Variants in NINJ2 observed in about 807,000 individuals in gnomAD.
NINJ2 encodes the protein ninjurin-2.
NINJ2 carries 12 observed loss-of-function variants against 11.7 expected under a neutral mutation model. The ratio of observed to expected loss-of-function variants is 1.02; its 90% confidence interval spans 0.66 to 1.66. The LOEUF is 1.66. NINJ2 is among the 40% of genes most tolerant of loss of function. The pLI is 0.00. For missense variants in NINJ2, 187 were observed against 181.8 expected, an observed-to-expected ratio of 1.03 and a Z score of -0.16; for synonymous variants, 93 against 76.8, an observed-to-expected ratio of 1.21 and a Z score of -1.10.
Position 601,421 on chromosome 12 carries a change from G to T in NINJ2, c.34-35243C>A, listed in dbSNP as rs182645942. ...AAATTAGCCAGGCGTGGTGGCGGGC[G>T]CCTGTAGTCCCAGCTACAGGGGAGG... On this transcript the variant is annotated intron_variant, in intron 1 of 3. Transcript: ENST00000305108. 7.3e-3 allele frequency among the ~76,000 whole-genome samples: 1,105 copies of T among 150,772 alleles called. 13 individuals are homozygous for T. Among genetic ancestry groups the T allele is most frequent in the African/African-American group, 0.026 (1,043 of 40,386 alleles).
chr12:566,237 G>T, intron 1 of NINJ2, 59 bp from the exon 2 acceptor site: 1 of 1,417,592 alleles, frequency 7.1e-7, no homozygotes, highest in South Asian at 1.2e-5. Context: ...GCAGTTGAGA[G>T]GTGGGAGAGA....
intron 1 of NINJ2, among the ~76,000 whole-genome samples, chr12:589,042 C>A (rs1002974382): frequency 6.6e-6 from 1 of 152,126 alleles, no homozygotes; most frequent in Non-Finnish European, 1.5e-5. Context: ...GAGTCTCCCA[C>A]AGAATAAGTC....
intron 1 of NINJ2, among the ~76,000 whole-genome samples, chr12:622,904 A>G (rs1216144936): frequency 1.3e-5 from 2 of 152,122 alleles, no homozygotes; most frequent in African/African-American, 4.8e-5. Context: ...CAGGTTAGGA[A>G]AACCTGCTCT....
intron 1 of NINJ2, among the ~76,000 whole-genome samples, chr12:642,031 CGG>C (rs1948424496): frequency 6.6e-6 from 1 of 152,090 alleles, no homozygotes; most frequent in South Asian, 2.1e-4. Flanking sequence ...GCGTGGAAGG[CGG>C]GAAAGGGCCC....
At chr12:659,168 T>C (rs1937922615) in intron 1 of NINJ2, among the ~76,000 whole-genome samples, 1 of 151,858 alleles carries the variant, frequency 6.6e-6, no homozygotes, top group Non-Finnish European at 1.5e-5. Flanking sequence ...CTTCTATTCA[T>C]AAGTGTTTTT....
intron 1 of NINJ2, among the ~76,000 whole-genome samples, chr12:571,769 C>T (rs753837026): frequency 3.3e-5 from 5 of 152,348 alleles, no homozygotes; most frequent in South Asian, 2.1e-4. Flanking sequence ...CATTGTTTAT[C>T]GACTTTATGG....
chr12:643,626 T>C (rs755308697), intron 1 of NINJ2: 89 of 987,906 alleles, frequency 9.0e-5, no homozygotes, highest in Non-Finnish European at 1.0e-4. Flanking sequence ...ACCGAGCGGC[T>C]GCTTTGCAAC....
intron 2 of NINJ2, 27 bp downstream of exon 2, chr12:565,923 G>A: frequency 6.3e-7 from 1 of 1,599,344 alleles, no homozygotes; most frequent in Non-Finnish European, 8.6e-7. Flanking sequence ...CGAGGCAGAA[G>A]GTCTGACTGC....
intron 1 of NINJ2, among the ~76,000 whole-genome samples, chr12:619,299 T>C (rs1948127973): frequency 6.6e-6 from 1 of 152,112 alleles, no homozygotes; most frequent in East Asian, 1.9e-4. Flanking sequence ...AAGATTCTCA[T>C]ATGTGATTCA....
intron 1 of NINJ2, among the ~76,000 whole-genome samples, chr12:582,759 A>G (rs112584869): frequency 1.5e-4 from 12 of 79,054 alleles, no homozygotes; most frequent in East Asian, 5.1e-4. Flanking sequence ...GAATGAATGG[A>G]CGCAGGCAGG....
At position 565,220 on chromosome 12, in the gene NINJ2, G is replaced by C; in HGVS notation, c.*15C>G. On this transcript the variant is annotated 3_prime_UTR_variant, in exon 3 of 4. Coordinates refer to ENST00000305108, the MANE Select transcript of NINJ2 (RefSeq NM_016533.6). The stretch of plus-strand genomic sequence containing the variant: ...GGGTTCCTCCATCCTCCCTCACCTG[G>C]GTCCCAGGCTGCATTCAGAGAGGAT... 1 of 1,607,254 alleles carries C rather than the reference G, an allele frequency of 6.2e-7. No homozygotes were observed. Among genetic ancestry groups the C allele is most frequent in the Non-Finnish European group, 8.5e-7 (1 of 1,175,716 alleles).
At chr12:648,220 C>T (rs921117989) in intron 1 of NINJ2, among the ~76,000 whole-genome samples, 9 of 152,096 alleles carry the variant, frequency 5.9e-5, no homozygotes, top group African/African-American at 2.4e-5. Context: ...ACTATATGCA[C>T]CCGCCACCAC....
At chr12:636,398 G>A (rs7972515) in intron 1 of NINJ2, among the ~76,000 whole-genome samples, 79 of 150,240 alleles carry the variant, frequency 5.3e-4, no homozygotes, top group Middle Eastern at 3.4e-3. Flanking sequence ...TAAATAAATA[G>A]ATAAATAAAT....
chr12:658,041 C>G (rs574750856), intron 1 of NINJ2, among the ~76,000 whole-genome samples: 1 of 122,142 alleles, frequency 8.2e-6, no homozygotes, highest in African/African-American at 3.1e-5. Context: ...CTCTGTCACT[C>G]AGGCTGGAGT....
intron 1 of NINJ2, among the ~76,000 whole-genome samples, chr12:569,566 A>G (rs1465944183): frequency 3.3e-5 from 5 of 151,986 alleles, no homozygotes; most frequent in Admixed American, 2.6e-4. Flanking sequence ...CTTCCCCCCA[A>G]ATGTATCGTT....
chr12:634,265 CTTTTTTTTTTTTTT>C (rs67797144), intron 1 of NINJ2, among the ~76,000 whole-genome samples: 2 of 59,528 alleles, frequency 3.4e-5, no homozygotes, highest in East Asian at 8.5e-4. Context: ...AGTTGCAGTT[CTTTTTTTTTTTTTT>C]TTTTTTTTTT....
intron 1 of NINJ2, among the ~76,000 whole-genome samples, chr12:651,375 C>G (rs1592118749): frequency 1.3e-5 from 2 of 152,254 alleles, no homozygotes; most frequent in East Asian, 3.9e-4. Flanking sequence ...GCTGTCCTGA[C>G]CCACCTAAGG....
chr12:621,329 T>C (rs144582126), intron 1 of NINJ2, among the ~76,000 whole-genome samples: 3 of 151,688 alleles, frequency 2.0e-5, no homozygotes, highest in African/African-American at 7.3e-5. Context: ...TGGCACACAC[T>C]TGTAGTCCCA....
Position 591,339 on chromosome 12 carries a change from C to T in NINJ2, c.34-25161G>A, listed in dbSNP as rs1374724136. The T allele has an allele frequency of 6.6e-6, 1 of 152,294 alleles. No homozygotes were observed. The highest frequency in any genetic ancestry group is 1.5e-5 in the Non-Finnish European group (1 of 68,114). 9.4% of individuals were successfully genotyped at this position (152,294 alleles called of 1,614,324 possible). A position where few individuals can be genotyped will look rare whatever the true frequency, so the allele number is the denominator to read the frequency against. ...CAATTCCCGGCAGCATCTCCCTTCACCTCCTGCTTGCTGAGAGCACTTTGG... is the reference window on the plus strand; with the variant it reads ...CAATTCCCGGCAGCATCTCCCTTCATCTCCTGCTTGCTGAGAGCACTTTGG... On this transcript the variant is annotated intron_variant, in intron 1 of 3. Transcript: ENST00000305108. The surrounding 1 kb of genome is among the most constrained non-coding windows in gnomAD (Gnocchi z 5.0).
Sources: allele counts gnomAD v4.1 joint callset (sites outside exome capture counted in the v4.1 genomes callset), GRCh38; gene constraint gnomAD v4.1.1; non-coding constraint Gnocchi (gnomAD v3.1); transcripts MANE v1.5; gene names NCBI Gene and HGNC (gene_info 2026-07-23, HGNC 2026-07-21).